Variants in GRAMD1C observed in about 807,000 individuals in gnomAD.
The protein encoded by GRAMD1C is GRAM domain containing 1C.
GRAMD1C carries 89 observed loss-of-function variants against 97.8 expected under a neutral mutation model. The observed-to-expected ratio is 0.91, with a 90% CI of 0.77 to 1.09. The LOEUF is 1.09. GRAMD1C is among the 50% of genes least tolerant of loss of function. GRAMD1C has a pLI of 0.00. For synonymous variants in GRAMD1C, 256 were observed against 267.0 expected, an observed-to-expected ratio of 0.96 and a Z score of 0.40; for missense variants, 740 against 766.4, an observed-to-expected ratio of 0.97 and a Z score of 0.41.
At chr3:113,867,915 G>C (rs1219871828) in intron 2 of GRAMD1C, among the ~76,000 whole-genome samples, 1 of 152,068 alleles carries the variant, frequency 6.6e-6, no homozygotes, top group East Asian at 1.9e-4. Context: ...CCCATCACAT[G>C]TATTTTGGTT....
chr3:113,895,993 A>G (rs1935926941), intron 6 of GRAMD1C, among the ~76,000 whole-genome samples: 1 of 152,118 alleles, frequency 6.6e-6, no homozygotes, highest in Non-Finnish European at 1.5e-5. Context: ...TTACTTTTCT[A>G]TATGAAACCA....
At chr3:113,933,224 G>T (rs1937507422) in intron 11 of GRAMD1C, among the ~76,000 whole-genome samples, 1 of 152,006 alleles carries the variant, frequency 6.6e-6, no homozygotes, top group Non-Finnish European at 1.5e-5. Context: ...TAGAGGCTGG[G>T]TGTTTTTATA....
At chr3:113,839,484 T>C (rs753304386) in intron 1 of GRAMD1C, among the ~76,000 whole-genome samples, 1 of 152,228 alleles carries the variant, frequency 6.6e-6, no homozygotes, top group Non-Finnish European at 1.5e-5. Flanking sequence ...CCATCCTCCT[T>C]CTACATTGGT....
At chr3:113,844,792 A>T in intron 2 of GRAMD1C, 143 bp downstream of exon 2, 1 of 581,244 alleles carries the variant, frequency 1.7e-6, no homozygotes, top group Non-Finnish European at 3.0e-6. Context: ...TCCCAAAGAC[A>T]TTTCTGATTA....
chr3:113,919,747 A>G (rs112659539), intron 10 of GRAMD1C: 3 of 586,578 alleles, frequency 5.1e-6, no homozygotes, highest in African/African-American at 1.9e-5. Flanking sequence ...GTCTACATAT[A>G]TAATTTGAAT....
intron 6 of GRAMD1C, among the ~76,000 whole-genome samples, chr3:113,891,368 T>A (rs866972565): frequency 6.6e-6 from 1 of 152,194 alleles, no homozygotes; most frequent in Non-Finnish European, 1.5e-5. Flanking sequence ...CCAGGCACAG[T>A]GCTAGGTGCT....
intron 10 of GRAMD1C, chr3:113,919,536 G>A (rs1337780698): frequency 1.8e-6 from 1 of 552,374 alleles, no homozygotes; most frequent in African/African-American, 1.9e-5. Context: ...CAGAGAAGAA[G>A]TTATGATTTT....
intron 1 of GRAMD1C, among the ~76,000 whole-genome samples, chr3:113,841,285 CTT>C (rs772233296): frequency 0.026 from 2,453 of 94,322 alleles, 110 homozygotes; most frequent in African/African-American, 0.085. Context: ...TTCTTTCTTT[CTT>C]TTTTTTTTTT....
Position 113,933,431 on chromosome 3 carries a change from TA to T in GRAMD1C, c.1210-78del. The T allele has an allele frequency of 4.2e-6, 4 of 947,052 alleles. No homozygotes were observed. The South Asian group carries it at 6.1e-5, about 15-fold the overall frequency. The allele number at this position is 947,052 out of a possible 1,614,324, so 58.7% of individuals were successfully genotyped here. On this transcript the variant is annotated intron_variant, in intron 11 of 17. Coordinates refer to ENST00000358160, the MANE Select transcript of GRAMD1C (RefSeq NM_017577.5). ...TTTTGTAATTTTTGAGAAGGAATAC[TA>T]ATATACATGTTCTAAATTGGCAAGA...
intron 1 of GRAMD1C, among the ~76,000 whole-genome samples, chr3:113,843,921 A>G (rs991625762): frequency 3.3e-5 from 5 of 152,206 alleles, no homozygotes; most frequent in Non-Finnish European, 7.3e-5. Flanking sequence ...GTATATGTCT[A>G]TCTTCTTTCC....
At chr3:113,837,684 C>T (rs1000380397), upstream of GRAMD1C, among the ~76,000 whole-genome samples, 2 of 151,986 alleles carry the variant, frequency 1.3e-5, no homozygotes, top group South Asian at 2.1e-4. Flanking sequence ...TCCAGGAGTT[C>T]GAGACCAGTC....
At chr3:113,886,524 T>C (rs989564770) in intron 6 of GRAMD1C, among the ~76,000 whole-genome samples, 10 of 152,112 alleles carry the variant, frequency 6.6e-5, no homozygotes, top group Admixed American at 2.6e-4. Flanking sequence ...TTCCCCTCTT[T>C]ACTTTCCTTC....
At chr3:113,906,357 T>C (rs2107322886) in intron 8 of GRAMD1C, among the ~76,000 whole-genome samples, 1 of 152,228 alleles carries the variant, frequency 6.6e-6, no homozygotes, top group South Asian at 2.1e-4. Flanking sequence ...GTACAAAATG[T>C]GAAGGTGGAA....
chr3:113,932,259 A>G (rs963131646), intron 11 of GRAMD1C, among the ~76,000 whole-genome samples: 1 of 152,212 alleles, frequency 6.6e-6, no homozygotes, highest in Non-Finnish European at 1.5e-5. Flanking sequence ...CATTATCATT[A>G]AAAAGAACGT....
chr3:113,867,448 AC>A (rs1174827225), intron 2 of GRAMD1C, among the ~76,000 whole-genome samples: 1 of 151,706 alleles, frequency 6.6e-6, no homozygotes, highest in Non-Finnish European at 1.5e-5. Context: ...ATGCACCACC[AC>A]ACCCGGCTAA....
intron 10 of GRAMD1C, among the ~76,000 whole-genome samples, chr3:113,918,794 CA>C (rs1936928344): frequency 6.6e-6 from 1 of 152,184 alleles, no homozygotes; most frequent in Non-Finnish European, 1.5e-5. Context: ...CTCCTGGGCT[CA>C]AGTGATCCTC....
chr3:113,915,650 A>T (rs530805410), intron 9 of GRAMD1C, 51 bp from the exon 10 acceptor site: 1 of 1,524,312 alleles, frequency 6.6e-7, no homozygotes, highest in Non-Finnish European at 9.0e-7. Flanking sequence ...AAGCCTTAAA[A>T]TAAACTTTCT....
intron 13 of GRAMD1C, among the ~76,000 whole-genome samples, chr3:113,935,362 T>C (rs988568142): frequency 6.6e-6 from 1 of 152,094 alleles, no homozygotes; most frequent in African/African-American, 2.4e-5. Context: ...CCTGGGCTTA[T>C]GCAGCCCACT....
intron 14 of GRAMD1C, 83 bp downstream of exon 14, chr3:113,936,525 T>C: frequency 1.2e-6 from 1 of 817,630 alleles, no homozygotes; most frequent in Non-Finnish European, 2.0e-6. Context: ...TGTAAGAATA[T>C]GTCAGGAGGT....
Sources: gnomAD v4.1 joint callset for allele counts (sites outside exome capture counted in the v4.1 genomes callset) on GRCh38, gnomAD v4.1.1 for gene constraint, MANE v1.5 for transcripts, NCBI Gene and HGNC (gene_info 2026-07-23, HGNC 2026-07-21) for gene names.